TGM1: variants seen among roughly 807,000 people sequenced by gnomAD.
The protein encoded by TGM1 is transglutaminase 1.
In TGM1, 63 loss-of-function variants were observed where a neutral mutation model predicts 88.7. The observed-to-expected ratio is 0.71, with a 90% CI of 0.58 to 0.88. The LOEUF is 0.88. Among genes scored for constraint, TGM1 ranks in the 40% least tolerant of loss-of-function variants. TGM1 has a pLI of 0.00. For synonymous variants in TGM1, 415 were observed against 431.1 expected (o/e 0.96, Z 0.46); for missense variants, 996 against 1,118.0 (o/e 0.89, Z 1.56).
chr14:24,256,983 G>C (rs2040756670), intron 9 of TGM1, among the ~76,000 whole-genome samples: 1 of 152,154 alleles, frequency 6.6e-6, no homozygotes, highest in Non-Finnish European at 1.5e-5. Context: ...CTAAAAGTTC[G>C]AGGTGCTTGC....
At chr14:24,250,365 C>G (rs1007165269) in intron 14 of TGM1, among the ~76,000 whole-genome samples, 17 of 152,130 alleles carry the variant, frequency 1.1e-4, no homozygotes, top group African/African-American at 3.4e-4. Context: ...TTCTGCTAAC[C>G]ACTCAGAGGT....
intron 1 of TGM1, 97 bp from the exon 2 acceptor site, chr14:24,262,451 T>G (rs549049872): frequency 7.6e-7 from 1 of 1,324,164 alleles, no homozygotes; most frequent in African/African-American, 1.5e-5. Context: ...TCCCACCCGA[T>G]GACCGAAACA....
intron 3 of TGM1, 76 bp downstream of exon 3, chr14:24,261,619 A>T: frequency 6.4e-7 from 1 of 1,563,734 alleles, no homozygotes; most frequent in Non-Finnish European, 8.8e-7. Flanking sequence ...GAGCCTAAAG[A>T]CCTCTCTGAC....
Position 24,255,053 on chromosome 14 carries a change from G to A in TGM1, c.1846C>T (p.Leu616Phe), listed in dbSNP as rs781709502. 24 of 1,614,146 alleles carry A rather than the reference G, an allele frequency of 1.5e-5. No homozygotes were observed. The highest frequency in any genetic ancestry group is 1.8e-5 in the Non-Finnish European group (21 of 1,180,036). The change falls in exon 12 of 15, where the codon CTC becomes TTC. Residue 616 changes from leucine (L) to phenylalanine (F), a missense_variant. By Grantham distance (22) the Leu-to-Phe change is conservative. Transcript: ENST00000206765. The surrounding 1 kb of genome is among the most constrained non-coding windows in gnomAD (Gnocchi z 4.0). Reference sequence around the variant, plus strand: ...ACACCAGTATAGAAAGTGACTGAGAGGTAGAGGTGCAGTTTCACTGTGCGG... The same window carrying A: ...ACACCAGTATAGAAAGTGACTGAGAAGTAGAGGTGCAGTTTCACTGTGCGG... ...SRRTVKLHLY[L>F]SVTFYTGVSG... is the part of the protein sequence containing the mutation.
chr14:24,259,004 C>G lies in TGM1; in HGVS notation c.1159+71G>C. 1 of 1,577,338 alleles carries G rather than the reference C, an allele frequency of 6.3e-7. No individual in the cohort carries two copies. The highest frequency in any genetic ancestry group is 1.1e-5 in the South Asian group (1 of 88,838). On this transcript the variant is annotated intron_variant, in intron 7 of 14. Transcript: ENST00000206765. This position sits in a 1 kb window ranked among gnomAD's most constrained non-coding sequence, Gnocchi z 5.7. The stretch of plus-strand genomic sequence containing the variant: ...GCACTGTAGCCACATCTGGGCAGGG[C>G]TGGGTAAGCCTGGCTTTCCTCCCTT...
intron 14 of TGM1, among the ~76,000 whole-genome samples, chr14:24,252,814 G>A (rs1049548654): frequency 3.3e-5 from 5 of 152,218 alleles, no homozygotes; most frequent in African/African-American, 1.2e-4. Context: ...GGAACTCGCT[G>A]TCTGAAGATG....
intron 9 of TGM1, among the ~76,000 whole-genome samples, chr14:24,256,757 C>T (rs2040754828): frequency 6.6e-6 from 1 of 152,314 alleles, no homozygotes; most frequent in African/African-American, 2.4e-5. Flanking sequence ...TAACACTACA[C>T]ACTCCTTTAC....
chr14:24,256,121 G>T, intron 9 of TGM1, 44 bp from the exon 10 acceptor site: 1 of 1,492,752 alleles, frequency 6.7e-7, no homozygotes, highest in Non-Finnish European at 9.1e-7. Context: ...TGAGAAGGCG[G>T]AGAGGGCTCT....
In TGM1 at chr14:24,261,829, T is replaced by A; in HGVS notation, c.374A>T (p.Asn125Ile). 1.2e-6 allele frequency: 2 copies of A among 1,614,064 alleles called. No homozygotes were observed. The highest frequency in any genetic ancestry group is 1.7e-6 in the Non-Finnish European group (2 of 1,180,010). ...CTCGTCTGTGTGGTGCTCTCGGCGG[T>A]TCTGGTCCGAGCGCGAGCTCAGCAA... ...VDLLSSRSDQ[N>I]RREHHTDEYE... The change falls in exon 3 of 15, where the codon AAC becomes ATC. Residue 125 changes from asparagine (N) to isoleucine (I), a missense_variant. By Grantham distance (149) the Asn-to-Ile change is moderately radical (BLOSUM62 -3). Transcript: ENST00000206765.
chr14:24,257,483 T>C (rs919627293), intron 9 of TGM1, among the ~76,000 whole-genome samples: 11 of 152,376 alleles, frequency 7.2e-5, no homozygotes, highest in African/African-American at 2.4e-4. Flanking sequence ...ATTTTCTTCT[T>C]TGAACCTATC....
Position 24,259,209 on chromosome 14 carries a change from CA to C in TGM1, c.1024del (p.Trp342GlyfsTer42). ...LDDNGVLIGN[W>X]SGDYSRGTNP... ...GGTGCCTCGGGAGTAATCACCAGAC[CA>C]GTTCCCAATCAGGACTCCATTGTCA... is the stretch of plus-strand genomic sequence containing the variant. On this transcript the variant is annotated frameshift_variant, in exon 7 of 15. Transcript: ENST00000206765. LOFTEE classifies it high-confidence loss of function. This position sits in a 1 kb window ranked among gnomAD's most constrained non-coding sequence, Gnocchi z 5.7. 6.2e-7 allele frequency: 1 copy of C among 1,613,990 alleles called. No homozygotes were observed. Among genetic ancestry groups the C allele is most frequent in the Non-Finnish European group, 8.5e-7 (1 of 1,179,962 alleles).
intron 9 of TGM1, among the ~76,000 whole-genome samples, chr14:24,257,304 C>T (rs746384638): frequency 2.0e-5 from 3 of 151,118 alleles, no homozygotes; most frequent in Admixed American, 6.6e-5. Context: ...GCAGGGCAGG[C>T]CTGGTGGCCT....
chr14:24,258,156 C>G, intron 9 of TGM1, 129 bp downstream of exon 9: 1 of 671,666 alleles, frequency 1.5e-6, no homozygotes, highest in South Asian at 1.9e-5. Context: ...AGCTGACAAA[C>G]CCGTTTAAGA....
At chr14:24,258,460 A>AG in intron 8 of TGM1, 72 bp from the exon 9 acceptor site, 2 of 869,310 alleles carry the variant, frequency 2.3e-6, no homozygotes, top group Non-Finnish European at 3.6e-6. Flanking sequence ...CAGCCTCCCC[A>AG]GCCCTGCCCA....
chr14:24,260,735 C>T (rs1296554960), intron 3 of TGM1, 37 bp from the exon 4 acceptor site: 4 of 1,613,690 alleles, frequency 2.5e-6, no homozygotes, highest in Non-Finnish European at 1.7e-6. Context: ...GGCAAGGCCT[C>T]CCTGAGGAGA....
In TGM1 at chr14:24,254,965, C is replaced by G. The variant is rs766598733; in HGVS notation, c.1927+7G>C. On this transcript the variant is annotated splice_region_variant and intron_variant, in intron 12 of 14. Coordinates refer to ENST00000206765, the MANE Select transcript of TGM1 (RefSeq NM_000359.3). ...CCAGGGGGCAGGGCTGGGTAAGGAG[C>G]ACTTACAGGCCCCTGGTGCCAGCTC... 10 of 1,613,492 alleles carry G rather than the reference C, an allele frequency of 6.2e-6. No individual in the cohort carries two copies. In the African/African-American group the frequency reaches 1.2e-4, roughly 19 times the overall value.
Position 24,255,870 on chromosome 14 carries a change from A to G in TGM1, c.1491+119T>C, listed in dbSNP as rs1165887930. On this transcript the variant is annotated intron_variant, in intron 10 of 14. Transcript: ENST00000206765. This position sits in a 1 kb window ranked among gnomAD's most constrained non-coding sequence, Gnocchi z 4.0. Reference sequence around the variant, plus strand: ...GATTATCCCCTTTTACAGGTGAGGAAACTGACTTGTATAATGAGTGACTTG... The same window carrying G: ...GATTATCCCCTTTTACAGGTGAGGAGACTGACTTGTATAATGAGTGACTTG... 1 of 873,386 alleles carries G rather than the reference A, an allele frequency of 1.1e-6. No homozygotes were observed. The highest frequency in any genetic ancestry group is 1.7e-5 in the African/African-American group (1 of 59,938). 54.1% of individuals were successfully genotyped at this position (873,386 alleles called of 1,614,324 possible).
chr14:24,258,666 G>GCGCA lies in TGM1; in HGVS notation c.1163_1166dup (p.Cys390AlafsTer42). 1 of 1,614,202 alleles carries GCGCA rather than the reference G, an allele frequency of 6.2e-7. No individual in the cohort carries two copies. The highest frequency in any genetic ancestry group is 8.5e-7 in the Non-Finnish European group (1 of 1,180,006). Reference sequence around the variant, plus strand: ...CAGTACGGGTGGCCAGACCCAGGCAGCGCAGCACTGTGGAGGAGCGAAGGT... The same window carrying GCGCA: ...CAGTACGGGTGGCCAGACCCAGGCAGCGCACGCAGCACTGTGGAGGAGCGAAGGT... On this transcript the variant is annotated frameshift_variant, in exon 8 of 15. Coordinates refer to ENST00000206765, the MANE Select transcript of TGM1 (RefSeq NM_000359.3). LOFTEE classifies it high-confidence loss of function.
At chr14:24,253,308 T>C (rs1228556580) in intron 14 of TGM1, among the ~76,000 whole-genome samples, 2 of 152,238 alleles carry the variant, frequency 1.3e-5, no homozygotes, top group Non-Finnish European at 2.9e-5. Flanking sequence ...CCAGGGGCTA[T>C]TGCTATCCCT....
Sources: allele counts gnomAD v4.1 joint callset (sites outside exome capture counted in the v4.1 genomes callset), GRCh38; gene constraint gnomAD v4.1.1; non-coding constraint Gnocchi (gnomAD v3.1); transcripts MANE v1.5; gene names NCBI Gene and HGNC (gene_info 2026-07-23, HGNC 2026-07-21).